PRKN: variants seen among roughly 807,000 people sequenced by gnomAD.
PRKN encodes the protein E3 ubiquitin-protein ligase parkin.
A neutral mutation model predicts 59.5 loss-of-function variants in PRKN; 56 were observed. The observed-to-expected ratio is 0.94, with a 90% CI of 0.76 to 1.18. The LOEUF (loss-of-function observed/expected upper bound fraction) is 1.18, where lower values mean the gene tolerates loss of function less well. Among genes scored for constraint, PRKN ranks in the 50% most tolerant of loss-of-function variants. PRKN has a pLI of 0.00. For missense variants in PRKN, 657 were observed against 596.4 expected (o/e 1.10, Z -1.06); for synonymous variants, 250 against 222.1 (o/e 1.13, Z -1.12).
chr6:162,223,400 A>T lies in PRKN; in HGVS notation c.413-22148T>A, dbSNP rs1453392060. Reference sequence around the variant, plus strand: ...AAAAGCTCAGTAGAGGCAGTTAATCATAATAATAGTGCTGCTAATAGCACT... The same window carrying T: ...AAAAGCTCAGTAGAGGCAGTTAATCTTAATAATAGTGCTGCTAATAGCACT... On this transcript the variant is annotated intron_variant, in intron 3 of 11. Transcript: ENST00000366898. Among the ~76,000 whole-genome samples the T allele has an allele frequency of 2.0e-5, 3 of 152,102 alleles. No homozygotes were observed. The East Asian group carries it at 5.8e-4, about 29-fold the overall frequency.
intron 1 of PRKN, among the ~76,000 whole-genome samples, chr6:162,580,579 A>C (rs1780752117): frequency 6.6e-6 from 1 of 152,122 alleles, no homozygotes; most frequent in South Asian, 2.1e-4. Context: ...AAAAAAAAAA[A>C]AATCTGTACG....
chr6:161,966,379 T>C (rs1780580957), intron 6 of PRKN, among the ~76,000 whole-genome samples: 1 of 150,864 alleles, frequency 6.6e-6, no homozygotes, highest in Non-Finnish European at 1.5e-5. Context: ...TAAAGGGAGA[T>C]TGAAGGAGCA....
At chr6:161,476,926 G>A (rs1178684982) in intron 9 of PRKN, among the ~76,000 whole-genome samples, 3 of 152,200 alleles carry the variant, frequency 2.0e-5, no homozygotes, top group South Asian at 2.1e-4. Context: ...ACTGGTGGGC[G>A]AGCTGAGGTG....
chr6:161,386,009 A>G lies in PRKN; in HGVS notation c.1167+785T>C, dbSNP rs1261149460. On this transcript the variant is annotated intron_variant, in intron 10 of 11. Transcript: ENST00000366898. This position sits in a 1 kb window ranked among gnomAD's most constrained non-coding sequence, Gnocchi z 4.3. ...CATGCTCTGATTTTAGAGCATTCAG[A>G]TCTTTAACATTCTCTATTGTAAAAT... Among the ~76,000 whole-genome samples the G allele has an allele frequency of 3.3e-5, 5 of 152,144 alleles. No homozygotes were observed. The South Asian group carries it at 8.3e-4, about 25-fold the overall frequency.
chr6:161,616,304 C>T (rs954875652), intron 7 of PRKN, among the ~76,000 whole-genome samples: 2 of 152,192 alleles, frequency 1.3e-5, no homozygotes, highest in Non-Finnish European at 2.9e-5. Context: ...CGGACTCATC[C>T]CATCCCTTTT....
chr6:162,602,247 GGAGAGAA>G (rs1781741702), intron 1 of PRKN, among the ~76,000 whole-genome samples: 1 of 152,168 alleles, frequency 6.6e-6, no homozygotes. Context: ...GCGTTGAGAG[GGAGAGAA>G]GAGAGAAGAG....
At chr6:162,125,797 A>G (rs1421238183) in intron 4 of PRKN, among the ~76,000 whole-genome samples, 1 of 152,192 alleles carries the variant, frequency 6.6e-6, no homozygotes, top group Non-Finnish European at 1.5e-5. Flanking sequence ...CTCAATAAGT[A>G]TTTGTTGAAT....
chr6:162,638,814 G>A (rs1041131771), intron 1 of PRKN, among the ~76,000 whole-genome samples: 4 of 137,862 alleles, frequency 2.9e-5, no homozygotes, highest in East Asian at 4.3e-4. Flanking sequence ...GCATGATCTC[G>A]GCTCACTGCA....
At chr6:161,817,249 T>C (rs962721106) in intron 6 of PRKN, among the ~76,000 whole-genome samples, 2 of 152,218 alleles carry the variant, frequency 1.3e-5, no homozygotes, top group Non-Finnish European at 1.5e-5. Context: ...TGATAAACTC[T>C]GGGCATGAAT....
At chr6:162,186,562 C>T (rs1484282478) in intron 4 of PRKN, among the ~76,000 whole-genome samples, 1 of 152,096 alleles carries the variant, frequency 6.6e-6, no homozygotes, top group Admixed American at 6.6e-5. Context: ...TAAGGAGAAA[C>T]AGTGATATGA....
At chr6:161,651,501 A>G (rs1784148343) in intron 7 of PRKN, among the ~76,000 whole-genome samples, 1 of 152,184 alleles carries the variant, frequency 6.6e-6, no homozygotes, top group Non-Finnish European at 1.5e-5. Context: ...TTCTTTAGCC[A>G]CTTAGGCATT....
At chr6:162,005,109 A>G (rs1411903585) in intron 5 of PRKN, among the ~76,000 whole-genome samples, 1 of 152,252 alleles carries the variant, frequency 6.6e-6, no homozygotes, top group East Asian at 1.9e-4. Flanking sequence ...GAAAGCTAAT[A>G]TAAAAATCGA....
intron 1 of PRKN, among the ~76,000 whole-genome samples, chr6:162,457,251 A>G (rs1790923375): frequency 6.6e-6 from 1 of 152,210 alleles, no homozygotes; most frequent in Non-Finnish European, 1.5e-5. Flanking sequence ...AGGAGAGTAG[A>G]ATAGAAATGA....
intron 2 of PRKN, among the ~76,000 whole-genome samples, chr6:162,404,977 A>C (rs1787987186): frequency 6.6e-6 from 1 of 152,178 alleles, no homozygotes; most frequent in African/African-American, 2.4e-5. Flanking sequence ...AAATGAAACC[A>C]AGCACTAGGC....
chr6:162,468,952 G>A (rs1791573404), intron 1 of PRKN, among the ~76,000 whole-genome samples: 2 of 152,130 alleles, frequency 1.3e-5, no homozygotes, highest in Non-Finnish European at 2.9e-5. Context: ...TCAAAGGCTG[G>A]AATGAATTCT....
At chr6:162,040,262 C>T (rs1237179131) in intron 5 of PRKN, among the ~76,000 whole-genome samples, 5 of 152,132 alleles carry the variant, frequency 3.3e-5, no homozygotes, top group African/African-American at 9.7e-5. Context: ...TGCTAGTGTA[C>T]AGGTCAACAA....
intron 2 of PRKN, among the ~76,000 whole-genome samples, chr6:162,379,222 C>G (rs1253893124): frequency 6.7e-6 from 1 of 148,900 alleles, no homozygotes; most frequent in South Asian, 2.1e-4. Context: ...GCCAGGGAAG[C>G]TGGGAAGATG....
At chr6:162,160,981 C>G (rs1040822747) in intron 4 of PRKN, among the ~76,000 whole-genome samples, 2 of 151,624 alleles carry the variant, frequency 1.3e-5, no homozygotes, top group African/African-American at 2.4e-5. Flanking sequence ...GAAGAGGCAC[C>G]TTATGCAGAA....
intron 5 of PRKN, among the ~76,000 whole-genome samples, chr6:161,986,038 A>G (rs1341025927): frequency 6.6e-6 from 1 of 152,170 alleles, no homozygotes; most frequent in Non-Finnish European, 1.5e-5. Context: ...GCTCTCCATA[A>G]GATACATCCA....
Sources: allele counts gnomAD v4.1 joint callset (sites outside exome capture counted in the v4.1 genomes callset), GRCh38; gene constraint gnomAD v4.1.1; non-coding constraint Gnocchi (gnomAD v3.1); transcripts MANE v1.5; gene names NCBI Gene and HGNC (gene_info 2026-07-23, HGNC 2026-07-21).